The following SLMAP variants were observed in gnomAD, a reference collection of about 807,000 sequenced individuals.
The protein encoded by SLMAP is sarcolemmal membrane-associated protein.
A neutral mutation model predicts 128.8 loss-of-function variants in SLMAP; 44 were observed. That is an observed-to-expected ratio of 0.34 (90% confidence interval 0.27 to 0.44). SLMAP has a LOEUF of 0.44. SLMAP is among the 20% of genes least tolerant of loss of function. The pLI is 1.00. For missense variants in SLMAP, 787 were observed against 985.3 expected, an observed-to-expected ratio of 0.80 and a Z score of 2.69; for synonymous variants, 327 against 348.8, an observed-to-expected ratio of 0.94 and a Z score of 0.70.
At chr3:57,917,636 A>G (rs1038120438) in intron 22 of SLMAP, 2 of 154,918 alleles carry the variant, frequency 1.3e-5, no homozygotes, top group African/African-American at 4.8e-5. Flanking sequence ...GCTTTTTAAA[A>G]ATTTGTGTTG....
chr3:57,870,919 G>GT (rs2095466929), intron 13 of SLMAP, among the ~76,000 whole-genome samples: 1 of 152,158 alleles, frequency 6.6e-6, no homozygotes. Flanking sequence ...AAAGATTATT[G>GT]TAAGAAAAGA....
chr3:57,829,606 A>G (rs145984055), intron 2 of SLMAP, among the ~76,000 whole-genome samples: 1 of 152,340 alleles, frequency 6.6e-6, no homozygotes, highest in East Asian at 1.9e-4. Flanking sequence ...GTAAGTTTCA[A>G]ATGTATTTAA....
intron 14 of SLMAP, among the ~76,000 whole-genome samples, chr3:57,882,750 G>C (rs1380684202): frequency 2.6e-5 from 4 of 152,146 alleles, no homozygotes; most frequent in African/African-American, 7.2e-5. Flanking sequence ...TGTAGGCCAT[G>C]ATAGGAACTT....
intron 21 of SLMAP, 99 bp downstream of exon 21, chr3:57,913,374 A>T: frequency 1.7e-6 from 1 of 588,532 alleles, no homozygotes; most frequent in East Asian, 2.9e-5. Context: ...ATTTTACAGG[A>T]GCAAATGTTC....
intron 14 of SLMAP, among the ~76,000 whole-genome samples, chr3:57,885,404 T>G (rs1229963445): frequency 7.5e-6 from 1 of 132,780 alleles, no homozygotes; most frequent in African/African-American, 2.8e-5. Context: ...TTGTTTTGTT[T>G]TGTTGTTGTT....
At chr3:57,851,578 T>A (rs950488123) in intron 6 of SLMAP, among the ~76,000 whole-genome samples, 1 of 151,828 alleles carries the variant, frequency 6.6e-6, no homozygotes, top group Non-Finnish European at 1.5e-5. Flanking sequence ...GTTCAAGCAG[T>A]TCTCCTGCCC....
At position 57,757,856 on chromosome 3, in the gene SLMAP, T is replaced by C. The variant is rs765113508; in HGVS notation, c.198+7T>C. ...TGATCACAAGACGGGCAAGGTAATG[T>C]CACCACATTGTCCAGCGGCATTGTT... On this transcript the variant is annotated splice_region_variant and intron_variant, in intron 2 of 24. Transcript: ENST00000671191. 6.2e-7 allele frequency: 1 copy of C among 1,613,600 alleles called. No homozygotes were observed. Among genetic ancestry groups the C allele is most frequent in the South Asian group, 1.1e-5 (1 of 91,040 alleles).
At chr3:57,795,347 G>C (rs1024903208) in intron 2 of SLMAP, among the ~76,000 whole-genome samples, 2 of 152,128 alleles carry the variant, frequency 1.3e-5, no homozygotes, top group Admixed American at 6.5e-5. Context: ...AGACCAGCCT[G>C]GCCAGCGTCG....
chr3:57,778,739 C>T, intron 2 of SLMAP, among the ~76,000 whole-genome samples: 1 of 151,766 alleles, frequency 6.6e-6, no homozygotes, highest in East Asian at 1.9e-4. Context: ...CCATGCCTGG[C>T]TAATTTTAAA....
intron 19 of SLMAP, 72 bp from the exon 20 acceptor site, chr3:57,912,309 A>G: frequency 7.6e-7 from 1 of 1,319,308 alleles, no homozygotes; most frequent in Non-Finnish European, 1.1e-6. Context: ...CAGGTTATGC[A>G]TTAGCTACAA....
chr3:57,864,505 A>G (rs368235239), intron 10 of SLMAP, 43 bp from the exon 11 acceptor site: 15 of 1,401,714 alleles, frequency 1.1e-5, no homozygotes, highest in Non-Finnish European at 1.5e-5. Context: ...CTCTTAAAAC[A>G]GAGTTAGGTT....
At position 57,857,887 on chromosome 3, in the gene SLMAP, G is replaced by A. The variant is rs564123740; in HGVS notation, c.615+59G>A. On this transcript the variant is annotated intron_variant, in intron 7 of 24. Transcript: ENST00000671191. ...AAACATAGTTTAATATTCCATACATGTTAAATAAACTAAAATGTAGCAAAC... is the reference window on the plus strand; with the variant it reads ...AAACATAGTTTAATATTCCATACATATTAAATAAACTAAAATGTAGCAAAC... 4.4e-5 allele frequency: 52 copies of A among 1,192,914 alleles called. No individual in the cohort carries two copies. In the African/African-American group the frequency reaches 7.2e-4, roughly 16 times the overall value. The allele number at this position is 1,192,914 out of a possible 1,614,324, so 73.9% of individuals were successfully genotyped here.
intron 9 of SLMAP, among the ~76,000 whole-genome samples, chr3:57,861,546 A>G (rs1469749843): frequency 1.3e-5 from 2 of 152,202 alleles, no homozygotes; most frequent in East Asian, 1.9e-4. Flanking sequence ...TTTGATATAT[A>G]AAGAAAGTTA....
chr3:57,769,847 G>A (rs2080473925), intron 2 of SLMAP, among the ~76,000 whole-genome samples: 1 of 152,148 alleles, frequency 6.6e-6, no homozygotes. Context: ...TTCCAATCTT[G>A]AAATATTTGT....
chr3:57,875,537 C>G (rs578044096), intron 14 of SLMAP, among the ~76,000 whole-genome samples: 9 of 152,262 alleles, frequency 5.9e-5, no homozygotes, highest in African/African-American at 2.2e-4. Flanking sequence ...AACAACAAAA[C>G]AAAAGAAAAT....
At chr3:57,812,638 C>G (rs2091187340) in intron 2 of SLMAP, among the ~76,000 whole-genome samples, 1 of 152,078 alleles carries the variant, frequency 6.6e-6, no homozygotes, top group Non-Finnish European at 1.5e-5. Flanking sequence ...TGCATTGAAT[C>G]TATTGATTGC....
intron 12 of SLMAP, among the ~76,000 whole-genome samples, 157 bp from the exon 13 acceptor site, chr3:57,865,085 G>A (rs945006450): frequency 6.6e-6 from 1 of 151,990 alleles, no homozygotes; most frequent in African/African-American, 2.4e-5. Context: ...TCTACCTCGG[G>A]ATATTTAAAT....
intron 6 of SLMAP, among the ~76,000 whole-genome samples, chr3:57,855,729 A>AC (rs1315450285): frequency 5.3e-4 from 79 of 150,226 alleles, no homozygotes; most frequent in African/African-American, 1.7e-3. Context: ...AAAAAAACAA[A>AC]AAAAAAAACT....
intron 17 of SLMAP, chr3:57,899,244 C>G (rs1301801106): frequency 6.6e-6 from 1 of 152,050 alleles, no homozygotes; most frequent in Non-Finnish European, 1.5e-5. Context: ...TAAAAGTACT[C>G]ACAATATAGC....
Sources: allele counts gnomAD v4.1 joint callset (sites outside exome capture counted in the v4.1 genomes callset), GRCh38; gene constraint gnomAD v4.1.1; transcripts MANE v1.5; gene names NCBI Gene and HGNC (gene_info 2026-07-23, HGNC 2026-07-21).